Variants in MPHOSPH9 observed in about 807,000 individuals in gnomAD.
The protein encoded by MPHOSPH9 is M-phase phosphoprotein 9.
Under a neutral mutation model 145.5 loss-of-function variants are expected in MPHOSPH9, and 88 were observed. The ratio of observed to expected loss-of-function variants is 0.60; its 90% CI spans 0.51 to 0.72. The LOEUF (loss-of-function observed/expected upper bound fraction) is 0.72, where lower values mean the gene tolerates loss of function less well. MPHOSPH9 is among the 30% of genes least tolerant of loss of function. The pLI, the probability that MPHOSPH9 is intolerant of heterozygous loss-of-function variation, is 0.00. For synonymous variants in MPHOSPH9, 435 were observed against 486.2 expected (o/e 0.89, Z 1.39); for missense variants, 1,238 against 1,386.6 (o/e 0.89, Z 1.70).
At chr12:123,174,918 C>T (rs2044761502) in intron 16 of MPHOSPH9, among the ~76,000 whole-genome samples, 1 of 152,056 alleles carries the variant, frequency 6.6e-6, no homozygotes, top group Non-Finnish European at 1.5e-5. Context: ...CAACCATATC[C>T]TATAGATCCT....
upstream of MPHOSPH9, among the ~76,000 whole-genome samples, chr12:123,234,381 C>T (rs1249118389): frequency 2.2e-5 from 3 of 136,096 alleles, no homozygotes; most frequent in Non-Finnish European, 3.2e-5. Flanking sequence ...TTTTTTTTTA[C>T]TTTTTTTATT....
intron 19 of MPHOSPH9, chr12:123,163,743 AG>A (rs1433548852): frequency 2.1e-6 from 1 of 465,814 alleles, no homozygotes; most frequent in Non-Finnish European, 3.7e-6. Flanking sequence ...TTTAATAAAC[AG>A]ATTTCTTCAT....
At chr12:123,212,948 C>T (rs1343583161) in intron 7 of MPHOSPH9, among the ~76,000 whole-genome samples, 8 of 150,398 alleles carry the variant, frequency 5.3e-5, no homozygotes, top group Admixed American at 4.6e-4. Context: ...CAAGCTCTGC[C>T]TCCTGGGTTC....
At chr12:123,183,682 C>T (rs1441483137) in intron 13 of MPHOSPH9, among the ~76,000 whole-genome samples, 2 of 151,962 alleles carry the variant, frequency 1.3e-5, no homozygotes, top group Non-Finnish European at 2.9e-5. Flanking sequence ...TGAGAGATGC[C>T]CACCTTGAAA....
In MPHOSPH9 at chr12:123,226,304, T is replaced by TA. The variant is rs747995075; in HGVS notation, c.258+1158dup. On this transcript the variant is annotated intron_variant, in intron 3 of 23. Coordinates refer to ENST00000606320, the MANE Select transcript of MPHOSPH9 (RefSeq NM_022782.4). The stretch of plus-strand genomic sequence containing the variant: ...AATAATTACACTTAGCAGTTGCTGC[T>TA]ATCGAATTCTTAAACCAGGTAATCT... 13 of 1,145,264 alleles carry TA rather than the reference T, an allele frequency of 1.1e-5. No homozygotes were observed. The South Asian group carries it at 1.9e-4, about 17-fold the overall frequency. 70.9% of individuals were successfully genotyped at this position (1,145,264 alleles called of 1,614,324 possible).
At chr12:123,177,479 T>A (rs1408971957) in intron 15 of MPHOSPH9, among the ~76,000 whole-genome samples, 1 of 151,984 alleles carries the variant, frequency 6.6e-6, no homozygotes, top group East Asian at 1.9e-4. Context: ...GAGGTTGCAG[T>A]GAGCCGTTAT....
chr12:123,158,845 G>A (rs1443496989), intron 23 of MPHOSPH9, among the ~76,000 whole-genome samples: 6 of 152,092 alleles, frequency 3.9e-5, no homozygotes, highest in Non-Finnish European at 5.9e-5. Flanking sequence ...CGGCCAGGCC[G>A]GCCTCAAACT....
At position 123,155,570 on chromosome 12, in the gene MPHOSPH9, G is replaced by A. The variant is rs2043843596; in HGVS notation, c.*1237C>T. 1.3e-5 allele frequency: 2 copies of A among 152,214 alleles called. No individual in the cohort carries two copies. Among genetic ancestry groups the A allele is most frequent in the Admixed American group, 1.3e-4 (2 of 15,284 alleles). The allele number at this position is 152,214 out of a possible 1,614,324, so 9.4% of individuals were successfully genotyped here. A position where few individuals can be genotyped will look rare whatever the true frequency, so the allele number is the denominator to read the frequency against. ...AGTACGAATCCATTTTGAAAGTTTG[G>A]ATGAGTCTGTTTATCAACATGTACC... On this transcript the variant is annotated 3_prime_UTR_variant, in exon 24 of 24. Coordinates refer to ENST00000606320, the MANE Select transcript of MPHOSPH9 (RefSeq NM_022782.4).
intron 11 of MPHOSPH9, among the ~76,000 whole-genome samples, chr12:123,200,102 C>T (rs935405074): frequency 2.0e-5 from 3 of 152,140 alleles, no homozygotes; most frequent in African/African-American, 7.2e-5. Flanking sequence ...GTTCTAAATC[C>T]GTGACATAGT....
chr12:123,171,826 A>C (rs2044596267), intron 16 of MPHOSPH9, among the ~76,000 whole-genome samples: 1 of 152,206 alleles, frequency 6.6e-6, no homozygotes, highest in African/African-American at 2.4e-5. Flanking sequence ...GGTAATATTC[A>C]TGCCAACCAT....
chr12:123,180,436 C>T (rs1436859043), intron 14 of MPHOSPH9, among the ~76,000 whole-genome samples: 3 of 152,162 alleles, frequency 2.0e-5, no homozygotes, highest in Admixed American at 1.3e-4. Context: ...AATACTTGGG[C>T]CCCACTTACA....
chr12:123,179,398 AC>A (rs2045021204), intron 15 of MPHOSPH9, among the ~76,000 whole-genome samples: 1 of 152,160 alleles, frequency 6.6e-6, no homozygotes. Context: ...ACATGGCGAA[AC>A]CCTGTCTCTA....
At chr12:123,170,334 G>A (rs1430314599) in intron 16 of MPHOSPH9, among the ~76,000 whole-genome samples, 5 of 151,966 alleles carry the variant, frequency 3.3e-5, no homozygotes, top group East Asian at 1.9e-4. Flanking sequence ...TAGTAGAGAC[G>A]GGGTTTCACC....
At position 123,187,532 on chromosome 12, in the gene MPHOSPH9, A is replaced by ATATTTTT. The variant is rs1386141342; in HGVS notation, c.2242-6323_2242-6322insAAAAATA. 2.7e-4 allele frequency among the ~76,000 whole-genome samples: 41 copies of ATATTTTT among 152,304 alleles called. No homozygotes were observed. In the South Asian group the frequency reaches 8.3e-3, roughly 31 times the overall value. On this transcript the variant is annotated intron_variant, in intron 13 of 23. Coordinates refer to ENST00000606320, the MANE Select transcript of MPHOSPH9 (RefSeq NM_022782.4). ...GTAATATTTGTATGAAACAAAACAA[A>ATATTTTT]GCCAAGAAATAGGCAAAATAATTTT...
chr12:123,205,765 T>C (rs1487164748), intron 8 of MPHOSPH9, among the ~76,000 whole-genome samples: 2 of 152,182 alleles, frequency 1.3e-5, no homozygotes, highest in Non-Finnish European at 2.9e-5. Flanking sequence ...TATGTTCTTG[T>C]CATGTTAACA....
At chr12:123,214,664 A>C (rs2046884136) in intron 7 of MPHOSPH9, 80 bp downstream of exon 7, 1 of 1,153,502 alleles carries the variant, frequency 8.7e-7, no homozygotes, top group Admixed American at 2.0e-5. Flanking sequence ...TTTTTTAAAA[A>C]TAATGCTCTA....
chr12:123,159,076 C>A lies in MPHOSPH9; in HGVS notation c.3450+1705G>T, dbSNP rs1212177405. Among the ~76,000 whole-genome samples the A allele has an allele frequency of 1.3e-5, 2 of 152,198 alleles. No homozygotes were observed. The highest frequency in any genetic ancestry group is 2.9e-5 in the Non-Finnish European group (2 of 68,026). On this transcript the variant is annotated intron_variant, in intron 23 of 23. Transcript: ENST00000606320. The surrounding 1 kb of genome is among the most constrained non-coding windows in gnomAD (Gnocchi z 4.3). ...ACTGCGCTCCAGCCTGGTGACACAGCGAGACTCCGTCTCCAAACTAGATAA... is the reference window on the plus strand; with the variant it reads ...ACTGCGCTCCAGCCTGGTGACACAGAGAGACTCCGTCTCCAAACTAGATAA...
At chr12:123,165,570 A>G (rs2044284041) in intron 17 of MPHOSPH9, 93 bp from the exon 18 acceptor site, 1 of 1,153,542 alleles carries the variant, frequency 8.7e-7, no homozygotes, top group Non-Finnish European at 1.2e-6. Flanking sequence ...TTGAAGCCCT[A>G]ATCTTCAATG....
At chr12:123,153,010 G>A (rs558285675), downstream of MPHOSPH9, 9 of 154,604 alleles carry the variant, frequency 5.8e-5, no homozygotes, top group South Asian at 2.0e-4. Flanking sequence ...TTCAAGTAGC[G>A]TCCAGCAAAG....
Sources: allele counts gnomAD v4.1 joint callset (sites outside exome capture counted in the v4.1 genomes callset), GRCh38; gene constraint gnomAD v4.1.1; non-coding constraint Gnocchi (gnomAD v3.1); transcripts MANE v1.5; gene names NCBI Gene and HGNC (gene_info 2026-07-23, HGNC 2026-07-21).